Variants in USO1 observed in about 807,000 individuals in gnomAD.
USO1 encodes USO1 vesicle transport factor.
A neutral mutation model predicts 124.5 loss-of-function variants in USO1; 57 were observed. That is an observed-to-expected ratio of 0.46 (90% CI 0.37 to 0.57). USO1 has a LOEUF of 0.57. USO1 is among the 20% of genes least tolerant of loss of function. The pLI is 0.00. For missense variants in USO1, 900 were observed against 1,040.6 expected, an observed-to-expected ratio of 0.86 and a Z score of 1.86; for synonymous variants, 369 against 362.8, an observed-to-expected ratio of 1.02 and a Z score of -0.19.
intron 1 of USO1, among the ~76,000 whole-genome samples, chr4:75,739,538 C>CTTTTTTTTTTTT (rs753369609): frequency 9.5e-6 from 1 of 105,420 alleles, no homozygotes; most frequent in Non-Finnish European, 1.8e-5. Context: ...TTATCTTTTT[C>CTTTTTTTTTTTT]TTTTTTTTTT....
intron 13 of USO1, among the ~76,000 whole-genome samples, chr4:75,795,786 T>A (rs1477264169): frequency 1.3e-5 from 2 of 152,204 alleles, no homozygotes; most frequent in Non-Finnish European, 2.9e-5. Context: ...ATTTAAAATG[T>A]GCAATAGTAA....
chr4:75,740,665 A>G (rs554936613), intron 1 of USO1, among the ~76,000 whole-genome samples: 26 of 152,296 alleles, frequency 1.7e-4, no homozygotes, highest in Non-Finnish European at 3.1e-4. Flanking sequence ...ATAGCAACAA[A>G]CAGTTATATT....
Position 75,793,725 on chromosome 4 carries a change from T to C in USO1, c.1276T>C (p.Cys426Arg). Residue 426 changes from cysteine (C) to arginine (R), a missense_variant, in exon 13 of 24, where the codon TGT (cysteine) becomes CGT (arginine). Transcript: ENST00000514213. ...GNSVSAGQLL[C>R]GGLFSTDSLS... ...TTCAGTTTCAGCTGGCCAGTTATTA[T>C]GTGGAGGTTTGTTTTCTACTGATTC... 6.2e-7 allele frequency: 1 copy of C among 1,612,538 alleles called. No individual in the cohort carries two copies. Among genetic ancestry groups the C allele is most frequent in the Non-Finnish European group, 8.5e-7 (1 of 1,179,120 alleles).
intron 17 of USO1, 96 bp from the exon 18 acceptor site, chr4:75,804,038 C>T: frequency 6.8e-7 from 1 of 1,463,056 alleles, no homozygotes; most frequent in Non-Finnish European, 9.1e-7. Context: ...CTTTAGCATA[C>T]TGTCCCAAAA....
intron 8 of USO1, among the ~76,000 whole-genome samples, chr4:75,778,011 AAG>A (rs1377571694): frequency 2.0e-5 from 3 of 152,198 alleles, no homozygotes; most frequent in Non-Finnish European, 4.4e-5. Context: ...ATGAAAAGAA[AAG>A]AGTTATCAAA....
In USO1 at chr4:75,790,932, C is replaced by T. The variant is rs1722511685; in HGVS notation, c.1240+135C>T. 6.1e-6 allele frequency: 7 copies of T among 1,145,774 alleles called. No individual in the cohort carries two copies. The South Asian group carries it at 1.5e-4, about 25-fold the overall frequency. The allele number at this position is 1,145,774 out of a possible 1,614,324, so 71.0% of individuals were successfully genotyped here. ...GAGAGAAAAAAAAAAAACAAAAACA[C>T]CTGAATTCTAAGGCCTGCAGGTAAA... is the stretch of plus-strand genomic sequence containing the variant. On this transcript the variant is annotated intron_variant, in intron 12 of 23. Transcript: ENST00000514213.
rs1397287570 is a variant in USO1, at chr4:75,813,857, A to G, written c.*562A>G. 6.6e-6 allele frequency: 1 copy of G among 152,256 alleles called. No individual in the cohort carries two copies. The highest frequency in any genetic ancestry group is 1.5e-5 in the Non-Finnish European group (1 of 68,070). 9.4% of individuals were successfully genotyped at this position (152,256 alleles called of 1,614,324 possible). On this transcript the variant is annotated 3_prime_UTR_variant, in exon 24 of 24. Coordinates refer to ENST00000514213, the MANE Select transcript of USO1 (RefSeq NM_003715.4). Reference sequence around the variant, plus strand: ...AGAATGAGTGCCTTGACACCTACATATGGCTGCATTCCATACCTCAGTGAA... The same window carrying G: ...AGAATGAGTGCCTTGACACCTACATGTGGCTGCATTCCATACCTCAGTGAA...
chr4:75,796,398 C>T (rs1375050036), intron 13 of USO1, among the ~76,000 whole-genome samples: 1 of 140,930 alleles, frequency 7.1e-6, no homozygotes, highest in Admixed American at 8.0e-5. Context: ...TGCAATGGCA[C>T]GATCTTGGCT....
In USO1 at chr4:75,770,519, C is replaced by A; in HGVS notation, c.376C>A (p.Leu126Ile). Residue 126 changes from leucine to isoleucine, a missense_variant, in exon 5 of 24, where the codon CTT (leucine) becomes ATT (isoleucine). Leu to Ile is a conservative substitution (Grantham distance 5). This residue lies in a region of USO1 where 538 missense variants were observed against 681.6 expected (regional missense o/e 0.79). Transcript: ENST00000514213. ...CATTAAGCAGCAGGAAAATGTCACT[C>A]TTCTGTTATCTTTATTGGAGGTAAA... is the stretch of plus-strand genomic sequence containing the variant. ...IFIKQQENVT[L>I]LLSLLEEFDF... 6.3e-7 allele frequency: 1 copy of A among 1,586,362 alleles called. No individual in the cohort carries two copies. The highest frequency in any genetic ancestry group is 1.2e-5 in the South Asian group (1 of 85,854).
chr4:75,750,148 G>A (rs1375335353), intron 1 of USO1, among the ~76,000 whole-genome samples: 1 of 152,162 alleles, frequency 6.6e-6, no homozygotes, highest in Non-Finnish European at 1.5e-5. Flanking sequence ...AACAGCAGAA[G>A]TGGGGTTGGG....
chr4:75,743,377 C>G (rs1035732036), intron 1 of USO1, among the ~76,000 whole-genome samples: 2 of 152,088 alleles, frequency 1.3e-5, no homozygotes, highest in Admixed American at 6.6e-5. Flanking sequence ...CTTCTTTTTG[C>G]TTCATTCTTG....
chr4:75,782,598 G>GA (rs1170314082), intron 8 of USO1, 82 bp from the exon 9 acceptor site: 1 of 1,465,638 alleles, frequency 6.8e-7, no homozygotes, highest in Non-Finnish European at 9.0e-7. Flanking sequence ...TGAGCATGGA[G>GA]ATTTATCTTT....
Position 75,804,985 on chromosome 4 carries a change from T to C in USO1, c.2126-155T>C, listed in dbSNP as rs1465488640. 42 of 969,350 alleles carry C rather than the reference T, an allele frequency of 4.3e-5. No homozygotes were observed. The East Asian group carries it at 1.3e-3, about 30-fold the overall frequency. The allele number at this position is 969,350 out of a possible 1,614,324, so 60.0% of individuals were successfully genotyped here. A position where few individuals can be genotyped will look rare whatever the true frequency, so the allele number is the denominator to read the frequency against. On this transcript the variant is annotated intron_variant, in intron 18 of 23. Coordinates refer to ENST00000514213, the MANE Select transcript of USO1 (RefSeq NM_003715.4). ...CTGGAAAATACTATCAGTTCACTAT[T>C]TTTATCAGTATACCATTCTGCAAAG... is the stretch of plus-strand genomic sequence containing the variant.
chr4:75,792,263 T>A (rs961555119), intron 12 of USO1, among the ~76,000 whole-genome samples: 6 of 151,784 alleles, frequency 4.0e-5, no homozygotes, highest in African/African-American at 1.5e-4. Flanking sequence ...TAGGCTGGGC[T>A]TGGTGGCTCA....
chr4:75,789,358 A>T (rs540805393), intron 10 of USO1, among the ~76,000 whole-genome samples: 1 of 151,970 alleles, frequency 6.6e-6, no homozygotes, highest in East Asian at 1.9e-4. Context: ...GCTTACTTCA[A>T]CCTCCACCTT....
At chr4:75,790,376 A>G (rs1023642334) in intron 11 of USO1, 138 bp downstream of exon 11, 43 of 1,238,388 alleles carry the variant, frequency 3.5e-5, no homozygotes, top group Non-Finnish European at 4.7e-5. Context: ...GACAAGATAA[A>G]TGATATTGAT....
At position 75,756,706 on chromosome 4, in the gene USO1, G is replaced by A. The variant is rs149122901; in HGVS notation, c.219-791G>A. On this transcript the variant is annotated intron_variant, in intron 3 of 23. Coordinates refer to ENST00000514213, the MANE Select transcript of USO1 (RefSeq NM_003715.4). ...TTTTTAATAGAGACGGGGTTTCTCC[G>A]TCTCTACTTTTGGTCAGGCTGGTCT... Among the ~76,000 whole-genome samples the A allele has an allele frequency of 3.3e-3, 504 of 151,558 alleles. 2 individuals are homozygous for A. The highest frequency in any genetic ancestry group is 4.8e-3 in the African/African-American group (199 of 41,378).
At position 75,800,451 on chromosome 4, in the gene USO1, C is replaced by T; in HGVS notation, c.1664C>T (p.Ser555Leu). ...ATTTCGATTTATTTCAATGATAACT[C>T]ACTTGAGAGCTACATGAAGTAAGTA... ...LGISIYFNDN[S>L]LESYMKEKLK... The change falls in exon 15 of 24, where the codon TCA becomes TTA. Residue 555 changes from serine to leucine, a missense_variant. Physicochemically the swap from Ser to Leu is moderately radical, Grantham distance 145 (BLOSUM62 -2). Around this residue, in one of 2 missense-constraint regions of USO1, gnomAD observed 538 missense variants for 681.6 expected, o/e 0.79. Coordinates refer to ENST00000514213, the MANE Select transcript of USO1 (RefSeq NM_003715.4). 1.3e-6 allele frequency: 2 copies of T among 1,590,262 alleles called. No individual in the cohort carries two copies. The highest frequency in any genetic ancestry group is 1.7e-6 in the Non-Finnish European group (2 of 1,168,048).
intron 22 of USO1, among the ~76,000 whole-genome samples, chr4:75,811,670 A>G (rs1359167032): frequency 6.6e-6 from 1 of 152,250 alleles, no homozygotes; most frequent in Non-Finnish European, 1.5e-5. Flanking sequence ...AAAATAATGT[A>G]TAATTGTGCT....
Sources: allele counts gnomAD v4.1 joint callset (sites outside exome capture counted in the v4.1 genomes callset), GRCh38; gene constraint gnomAD v4.1.1; regional missense constraint gnomAD v4.1.1; transcripts MANE v1.5; gene names NCBI Gene and HGNC (gene_info 2026-07-23, HGNC 2026-07-21).